The following SAMD4B variants were observed in gnomAD, a reference collection of about 807,000 sequenced individuals.
SAMD4B encodes sterile alpha motif domain containing 4B.
A neutral mutation model predicts 74.5 loss-of-function variants in SAMD4B; 5 were observed. The ratio of observed to expected loss-of-function variants is 0.07; its 90% CI spans 0.04 to 0.14. The LOEUF is 0.14. Among genes scored for constraint, SAMD4B ranks in the 10% least tolerant of loss-of-function variants. The pLI is 1.00. For missense variants in SAMD4B, 608 were observed against 921.8 expected (o/e 0.66, Z 4.41); for synonymous variants, 373 against 374.9 (o/e 1.00, Z 0.06).
At chr19:39,390,640 T>C (rs533936982), downstream of SAMD4B, among the ~76,000 whole-genome samples, 1 of 152,234 alleles carries the variant, frequency 6.6e-6, no homozygotes, top group East Asian at 1.9e-4. Flanking sequence ...AAAAGCCTAA[T>C]CCCTGAACTG....
intron 1 of SAMD4B, among the ~76,000 whole-genome samples, chr19:39,346,199 G>A (rs759440540): frequency 7.2e-5 from 11 of 152,236 alleles, no homozygotes; most frequent in Admixed American, 3.3e-4. Context: ...CAGAAAATGA[G>A]GTACAAATTA....
At chr19:39,358,196 G>A (rs1384532730) in intron 3 of SAMD4B, among the ~76,000 whole-genome samples, 2 of 152,138 alleles carry the variant, frequency 1.3e-5, no homozygotes, top group Admixed American at 6.5e-5. Flanking sequence ...GCTTGAACCC[G>A]GGAGGCGGAG....
At chr19:39,347,761 G>A (rs190421457) in intron 1 of SAMD4B, among the ~76,000 whole-genome samples, 18 of 152,268 alleles carry the variant, frequency 1.2e-4, no homozygotes, top group Admixed American at 9.8e-4. Context: ...GAATAGAAGC[G>A]GGTTCAGGGC....
rs1347485183 is a variant in SAMD4B at position 39,370,095 on chromosome 19, A to G, written c.637A>G (p.Ile213Val). 7 of 1,602,286 alleles carry G rather than the reference A, an allele frequency of 4.4e-6. No homozygotes were observed. In the South Asian group the frequency reaches 5.6e-5, roughly 13 times the overall value. ...CCCATCCAGCTCAGTGCCGCCAGCC[A>G]TCAACAGTATTGGGAGCAATGCAAA... is the stretch of plus-strand genomic sequence containing the variant. ...FHPSSSVPPA[I>V]NSIGSNANTG... The change falls in exon 4 of 14, where the codon ATC (isoleucine) becomes GTC (valine). Residue 213 changes from isoleucine to valine, a missense_variant. Physicochemically the swap from Ile to Val is conservative, Grantham distance 29. This residue lies in a region of SAMD4B where 153 missense variants were observed against 153.0 expected (regional missense o/e 1.00). Transcript: ENST00000610417.
rs2077709868 is a variant in SAMD4B at position 39,378,037 on chromosome 19, A to G, written c.1444+213A>G. Reference sequence around the variant, plus strand: ...TGGTGGATAACAGCCCTTCCCCTCAAAGCGTCTCCAGGCTGAGCAGAAATG... The same window carrying G: ...TGGTGGATAACAGCCCTTCCCCTCAGAGCGTCTCCAGGCTGAGCAGAAATG... On this transcript the variant is annotated intron_variant, in intron 8 of 13. Transcript: ENST00000610417. The surrounding 1 kb of genome is among the most constrained non-coding windows in gnomAD (Gnocchi z 4.4). Among the ~76,000 whole-genome samples the G allele has an allele frequency of 1.3e-5, 2 of 152,172 alleles. No individual in the cohort carries two copies. The highest frequency in any genetic ancestry group is 4.1e-4 in the South Asian group (2 of 4,830).
At chr19:39,388,586 C>G (rs779845536), downstream of SAMD4B, 1 of 1,614,170 alleles carries the variant, frequency 6.2e-7, no homozygotes, top group South Asian at 1.1e-5. Flanking sequence ...AGTCCATCTC[C>G]TCCTCCTGGT....
chr19:39,380,928 C>T, intron 11 of SAMD4B, 62 bp from the exon 12 acceptor site: 2 of 1,549,602 alleles, frequency 1.3e-6, no homozygotes, highest in South Asian at 1.2e-5. Context: ...ACCACCTCCA[C>T]CACTCTTGGG....
chr19:39,380,072 G>A lies in SAMD4B; in HGVS notation c.1637G>A (p.Arg546Gln), dbSNP rs146396383. Residue 546 changes from arginine to glutamine, a missense_variant, in exon 10 of 14, where the codon CGG (arginine) becomes CAG (glutamine). Physicochemically the swap from Arg to Gln is conservative, Grantham distance 43. Coordinates refer to ENST00000610417, the MANE Select transcript of SAMD4B (RefSeq NM_001384574.2). ...GCCGCACTAGAGATGCAGAACTACC[G>A]GCAGCAGAAAGGGTAGGCGGGTGGC... ...RKAALEMQNY[R>Q]QQKGWAFGSN... 1.2e-5 allele frequency: 20 copies of A among 1,613,260 alleles called. No homozygotes were observed. Among genetic ancestry groups the A allele is most frequent in the South Asian group, 2.2e-5 (2 of 90,864 alleles).
At chr19:39,374,745 G>A (rs2077505226) in intron 4 of SAMD4B, among the ~76,000 whole-genome samples, 1 of 152,180 alleles carries the variant, frequency 6.6e-6, no homozygotes, top group South Asian at 2.1e-4. Context: ...GGAGGCTGAG[G>A]CAGGGGAATT....
At chr19:39,353,962 A>G (rs955078454) in intron 1 of SAMD4B, 44 bp from the exon 2 acceptor site, 15 of 152,200 alleles carry the variant, frequency 9.9e-5, no homozygotes, top group African/African-American at 3.6e-4. Context: ...GCCCCAGTTT[A>G]TTAATCATTC....
At chr19:39,389,868 C>T, downstream of SAMD4B, 2 of 1,469,044 alleles carry the variant, frequency 1.4e-6, no homozygotes, top group Non-Finnish European at 1.9e-6. This position sits in a 1 kb window ranked among gnomAD's most constrained non-coding sequence, Gnocchi z 5.3. Flanking sequence ...AATGAAGTGT[C>T]CCCCATGGCA....
intron 3 of SAMD4B, among the ~76,000 whole-genome samples, chr19:39,363,889 C>A (rs1014009329): frequency 2.6e-5 from 4 of 152,204 alleles, no homozygotes; most frequent in African/African-American, 9.6e-5. Flanking sequence ...CTGGGCCAGG[C>A]TTTTTCTGAT....
At chr19:39,380,457 T>G in intron 10 of SAMD4B, 130 bp from the exon 11 acceptor site, 14 of 974,282 alleles carry the variant, frequency 1.4e-5, no homozygotes, top group Non-Finnish European at 1.9e-5. Context: ...TTGGGGCAGA[T>G]GAGGACAGAA....
At position 39,356,780 on chromosome 19, in the gene SAMD4B, G is replaced by T. The variant is rs1485296803; in HGVS notation, c.-114G>T. 4 of 867,768 alleles carry T rather than the reference G, an allele frequency of 4.6e-6. No individual in the cohort carries two copies. The highest frequency in any genetic ancestry group is 6.9e-6 in the Non-Finnish European group (4 of 581,142). 53.8% of individuals were successfully genotyped at this position (867,768 alleles called of 1,614,324 possible). ...AACCGTTGCCACCACGCCCAGAAAC[G>T]TCCTTAAGCCCTGGCCCTCAGGGGA... is the stretch of plus-strand genomic sequence containing the variant. On this transcript the variant is annotated 5_prime_UTR_variant, in exon 3 of 14. Coordinates refer to ENST00000610417, the MANE Select transcript of SAMD4B (RefSeq NM_001384574.2).
downstream of SAMD4B, chr19:39,386,599 G>A (rs1177475011): frequency 5.6e-6 from 9 of 1,612,070 alleles, no homozygotes; most frequent in Non-Finnish European, 7.6e-6. The surrounding 1 kb of genome is among the most constrained non-coding windows in gnomAD (Gnocchi z 6.1). Context: ...TGGAATGAGG[G>A]GAAGGAGGGT....
intron 12 of SAMD4B, chr19:39,381,368 TC>T (rs1454519817): frequency 3.3e-5 from 14 of 423,398 alleles, no homozygotes; most frequent in Non-Finnish European, 5.1e-5. Context: ...ATCTCATGTT[TC>T]CCACCCTATG....
intron 2 of SAMD4B, among the ~76,000 whole-genome samples, chr19:39,356,346 A>G (rs1315478160): frequency 1.3e-5 from 2 of 152,142 alleles, no homozygotes; most frequent in African/African-American, 2.4e-5. Flanking sequence ...ATCTTTTCTC[A>G]TAATTTGCAG....
At chr19:39,344,233 C>T (rs1313794918) in intron 1 of SAMD4B, among the ~76,000 whole-genome samples, 6 of 152,098 alleles carry the variant, frequency 3.9e-5, no homozygotes, top group East Asian at 1.9e-4. Context: ...CAAAATAACC[C>T]GAGCTCTTGC....
At chr19:39,358,687 C>T (rs1030598555) in intron 3 of SAMD4B, among the ~76,000 whole-genome samples, 11 of 152,030 alleles carry the variant, frequency 7.2e-5, no homozygotes, top group African/African-American at 1.9e-4. Flanking sequence ...TGAATTAACA[C>T]GTGTGGCTTC....
Sources: gnomAD v4.1 joint callset for allele counts (sites outside exome capture counted in the v4.1 genomes callset) on GRCh38, gnomAD v4.1.1 for gene constraint, gnomAD v4.1.1 regional missense constraint, Gnocchi (gnomAD v3.1) non-coding constraint, MANE v1.5 for transcripts, NCBI Gene and HGNC (gene_info 2026-07-23, HGNC 2026-07-21) for gene names.